Variants in SYNDIG1L observed in about 807,000 individuals in gnomAD.
The protein encoded by SYNDIG1L is synapse differentiation-inducing gene protein 1-like.
A neutral mutation model predicts 20.1 loss-of-function variants in SYNDIG1L; 13 were observed. The observed-to-expected ratio is 0.65, with a 90% CI of 0.42 to 1.03. The LOEUF (loss-of-function observed/expected upper bound fraction) is 1.03. Ranked by LOEUF, SYNDIG1L falls within the 50% of genes least tolerant of loss-of-function variation. The pLI, the probability that SYNDIG1L is intolerant of heterozygous loss-of-function variation, is 0.00. For missense variants in SYNDIG1L, 294 were observed against 305.1 expected, an observed-to-expected ratio of 0.96 and a Z score of 0.27; for synonymous variants, 128 against 129.3, an observed-to-expected ratio of 0.99 and a Z score of 0.07.
At chr14:74,443,119 A>C in the SYNDIG1L span, among the ~76,000 whole-genome samples, 1 of 152,244 alleles carries the variant, frequency 6.6e-6, no homozygotes, top group African/African-American at 2.4e-5. Context: ...GGAATTAAGC[A>C]TAGTGTAAAG....
the SYNDIG1L span, among the ~76,000 whole-genome samples, chr14:74,439,529 T>G: frequency 2.0e-5 from 3 of 152,150 alleles, no homozygotes; most frequent in African/African-American, 7.2e-5. Context: ...GGTTTTTAGT[T>G]AACTATGCTG....
At chr14:74,415,817 G>T (rs1026959059) in intron 1 of SYNDIG1L, among the ~76,000 whole-genome samples, 1 of 151,910 alleles carries the variant, frequency 6.6e-6, no homozygotes, top group African/African-American at 2.4e-5. Context: ...CTATCCAAAA[G>T]GATAGTGCTA....
At chr14:74,449,366 C>T in the SYNDIG1L span, among the ~76,000 whole-genome samples, 1 of 136,714 alleles carries the variant, frequency 7.3e-6, no homozygotes, top group Admixed American at 8.4e-5. Flanking sequence ...CTTTGGGAGG[C>T]TGAGGTGGGA....
the SYNDIG1L span, among the ~76,000 whole-genome samples, chr14:74,433,454 G>A: frequency 6.6e-6 from 1 of 151,912 alleles, no homozygotes; most frequent in East Asian, 1.9e-4. Context: ...TGCAATCTTG[G>A]CCCGCTGCAA....
At chr14:74,426,401 C>T (rs1225842415), upstream of SYNDIG1L, among the ~76,000 whole-genome samples, 1 of 152,032 alleles carries the variant, frequency 6.6e-6, no homozygotes, top group Non-Finnish European at 1.5e-5. Context: ...GGGCGCGCAG[C>T]TGGAACCCGC....
At chr14:74,463,080 G>A in the SYNDIG1L span, among the ~76,000 whole-genome samples, 185 of 152,288 alleles carry the variant, frequency 1.2e-3, 4 homozygotes, top group East Asian at 0.033. Context: ...TGAGAGAGTC[G>A]TGCACATTGC....
At chr14:74,460,951 C>A in the SYNDIG1L span, among the ~76,000 whole-genome samples, 3 of 151,720 alleles carry the variant, frequency 2.0e-5, no homozygotes, top group South Asian at 6.3e-4. Flanking sequence ...TGCCTGGCTT[C>A]TTTTAATCGC....
the SYNDIG1L span, chr14:74,479,907 C>A: frequency 6.3e-5 from 71 of 1,132,292 alleles, no homozygotes; most frequent in Non-Finnish European, 7.6e-5. Flanking sequence ...CAGAATGTAC[C>A]CTGAAAGGAG....
chr14:74,460,262 G>A, the SYNDIG1L span, among the ~76,000 whole-genome samples: 2 of 152,018 alleles, frequency 1.3e-5, no homozygotes, highest in East Asian at 1.9e-4. Context: ...GTTCTTCTTG[G>A]TGCTGCCGTG....
At chr14:74,414,588 A>G (rs1357208464) in intron 1 of SYNDIG1L, among the ~76,000 whole-genome samples, 1 of 152,158 alleles carries the variant, frequency 6.6e-6, no homozygotes, top group Non-Finnish European at 1.5e-5. Context: ...CCAATCATAC[A>G]GTGTGACATT....
At chr14:74,448,293 T>C in the SYNDIG1L span, among the ~76,000 whole-genome samples, 5 of 152,092 alleles carry the variant, frequency 3.3e-5, no homozygotes, top group Non-Finnish European at 7.4e-5. Context: ...ACATATAGGT[T>C]AAAAGCAAAA....
intron 1 of SYNDIG1L, among the ~76,000 whole-genome samples, chr14:74,412,106 C>T (rs1001241011): frequency 6.6e-6 from 1 of 152,188 alleles, no homozygotes; most frequent in Non-Finnish European, 1.5e-5. Flanking sequence ...AAATGCAGGG[C>T]CTCCTCCTTC....
the SYNDIG1L span, among the ~76,000 whole-genome samples, chr14:74,444,589 A>G: frequency 1.3e-5 from 2 of 151,764 alleles, no homozygotes; most frequent in African/African-American, 4.8e-5. Context: ...TGTCTCTACA[A>G]AAAAAATCCA....
At chr14:74,421,422 AATCTAATAGG>A (rs2086220549) in intron 1 of SYNDIG1L, among the ~76,000 whole-genome samples, 1 of 152,252 alleles carries the variant, frequency 6.6e-6, no homozygotes, top group Non-Finnish European at 1.5e-5. Context: ...GTCCAACATC[AATCTAATAGG>A]AGTTTCAGAA....
chr14:74,478,683 C>A, the SYNDIG1L span, among the ~76,000 whole-genome samples: 1 of 152,180 alleles, frequency 6.6e-6, no homozygotes, highest in South Asian at 2.1e-4. Flanking sequence ...TCAGAAAGTT[C>A]TTGTGCACAG....
At chr14:74,439,803 C>G in the SYNDIG1L span, among the ~76,000 whole-genome samples, 1 of 149,994 alleles carries the variant, frequency 6.7e-6, no homozygotes, top group South Asian at 2.1e-4. Flanking sequence ...CGCTTGAACC[C>G]AGGAGGCAGA....
chr14:74,465,141 G>T, the SYNDIG1L span, among the ~76,000 whole-genome samples: 90 of 152,218 alleles, frequency 5.9e-4, no homozygotes, highest in Admixed American at 1.6e-3. Context: ...TTCGGATGGT[G>T]TCTGTCTCTG....
chr14:74,439,670 C>T, the SYNDIG1L span, among the ~76,000 whole-genome samples: 4 of 151,642 alleles, frequency 2.6e-5, no homozygotes, highest in Admixed American at 1.3e-4. Flanking sequence ...CACCTGAGGT[C>T]GGGAGTTCGA....
chr14:74,433,763 T>A, the SYNDIG1L span, among the ~76,000 whole-genome samples: 1 of 152,144 alleles, frequency 6.6e-6, no homozygotes, highest in African/African-American at 2.4e-5. Flanking sequence ...CTGGGACATA[T>A]AATTTACCCA....
Sources: gnomAD v4.1 joint callset for allele counts (sites outside exome capture counted in the v4.1 genomes callset) on GRCh38, gnomAD v4.1.1 for gene constraint, MANE v1.5 for transcripts, NCBI Gene and HGNC (gene_info 2026-07-23, HGNC 2026-07-21) for gene names.